KCNC3: variants seen among roughly 807,000 people sequenced by gnomAD.
KCNC3 encodes the protein potassium voltage-gated channel subfamily C member 3, also known as voltage-gated potassium channel KCNC3.
A neutral mutation model predicts 43.9 loss-of-function variants in KCNC3; 22 were observed. That is an observed-to-expected ratio of 0.50 (90% CI 0.36 to 0.72). KCNC3 has a LOEUF of 0.72. KCNC3 is among the 30% of genes least tolerant of loss of function. The pLI is 0.00. For synonymous variants in KCNC3, 492 were observed against 488.0 expected (o/e 1.01, Z -0.11); for missense variants, 829 against 1,073.8 (o/e 0.77, Z 3.19).
At position 50,315,380 on chromosome 19, in the gene KCNC3, C is replaced by T. The variant is rs1601091443; in HGVS notation, c.*735G>A. 1 of 152,140 alleles carries T rather than the reference C, an allele frequency of 6.6e-6. No individual in the cohort carries two copies. The highest frequency in any genetic ancestry group is 1.5e-5 in the Non-Finnish European group (1 of 68,172). 9.4% of individuals were successfully genotyped at this position (152,140 alleles called of 1,614,324 possible). ...ACCACAGTCCACCGCCCTTCCCCCC[C>T]TCCACTGGTCCCCTCACCTGAGGCA... On this transcript the variant is annotated 3_prime_UTR_variant, in exon 5 of 5. Transcript: ENST00000477616.
rs892829987 is a variant in KCNC3 at position 50,315,079 on chromosome 19, G to A, written c.*1036C>T. The stretch of plus-strand genomic sequence containing the variant: ...CAGACAGAGAGACCCAAGGCAGGGA[G>A]AAAGAGACAGAGAGAGAAAGAAATG... On this transcript the variant is annotated 3_prime_UTR_variant, in exon 5 of 5. Coordinates refer to ENST00000477616, the MANE Select transcript of KCNC3 (RefSeq NM_004977.3). The A allele has an allele frequency of 2.0e-5, 4 of 196,808 alleles. No individual in the cohort carries two copies. The highest frequency in any genetic ancestry group is 7.2e-5 in the African/African-American group (3 of 41,484). The allele number at this position is 196,808 out of a possible 1,614,324, so 12.2% of individuals were successfully genotyped here. A position where few individuals can be genotyped will look rare whatever the true frequency, so the allele number is the denominator to read the frequency against.
At position 50,323,366 on chromosome 19, in the gene KCNC3, C is replaced by A. The variant is rs765859826; in HGVS notation, c.1587G>T (p.Leu529=). 1 of 1,614,022 alleles carries A rather than the reference C, an allele frequency of 6.2e-7. No homozygotes were observed. The highest frequency in any genetic ancestry group is 1.3e-5 in the African/African-American group (1 of 74,930). The change falls in exon 2 of 5, where the codon CTG becomes CTT. Residue 529 remains leucine (L), a synonymous_variant. Coordinates refer to ENST00000477616, the MANE Select transcript of KCNC3 (RefSeq NM_004977.3). ...VGALCALAGV[L]TIAMPVPVIV... ...TGACGGGCACAGGCATGGCGATGGT[C>A]AGCACCCCCGCCAGGGCACACAGCG...
At chr19:50,327,245 A>G (rs1601101582) in intron 1 of KCNC3, among the ~76,000 whole-genome samples, 1 of 152,056 alleles carries the variant, frequency 6.6e-6, no homozygotes, top group Non-Finnish European at 1.5e-5. Flanking sequence ...GAGGAAAGGC[A>G]TATGATGGGG....
intron 1 of KCNC3, among the ~76,000 whole-genome samples, chr19:50,325,616 A>C (rs865839889): frequency 5.3e-5 from 8 of 151,548 alleles, no homozygotes; most frequent in African/African-American, 1.9e-4. Flanking sequence ...GCTTCTCTGC[A>C]GTGGTTTAAG....
At chr19:50,326,880 G>C (rs2037113084) in intron 1 of KCNC3, among the ~76,000 whole-genome samples, 2 of 149,612 alleles carry the variant, frequency 1.3e-5, no homozygotes, top group African/African-American at 4.9e-5. Flanking sequence ...CACTTTGATG[G>C]AGGGGGACAG....
chr19:50,327,520 A>G (rs1232055678), intron 1 of KCNC3, among the ~76,000 whole-genome samples: 7 of 151,806 alleles, frequency 4.6e-5, no homozygotes, highest in Admixed American at 3.3e-4. Flanking sequence ...GGGGTGGGGG[A>G]GTTTTCTGAG....
At position 50,315,885 on chromosome 19, in the gene KCNC3, C is replaced by T. The variant is rs189266330; in HGVS notation, c.*230G>A. On this transcript the variant is annotated 3_prime_UTR_variant, in exon 5 of 5. Transcript: ENST00000477616. ...GGGGCTGCCTGCAGGGTTCTGCACC[C>T]CCGCAGGGAGCTCTGTGGCTTTTCC... The T allele has an allele frequency of 1.2e-3, 389 of 332,922 alleles. 1 individual carries two copies. Among genetic ancestry groups the T allele is most frequent in the African/African-American group, 7.7e-3 (358 of 46,288 alleles). The allele number at this position is 332,922 out of a possible 1,614,324, so 20.6% of individuals were successfully genotyped here. A position where few individuals can be genotyped will look rare whatever the true frequency, so the allele number is the denominator to read the frequency against.
chr19:50,318,991 C>CAAA (rs11326559), intron 4 of KCNC3, among the ~76,000 whole-genome samples: 262 of 71,084 alleles, frequency 3.7e-3, no homozygotes, highest in Non-Finnish European at 4.8e-3. Flanking sequence ...AAGACAGTCT[C>CAAA]AAAAAAAAAA....
In KCNC3 at chr19:50,315,969, T is replaced by TG. The variant is rs2036946330; in HGVS notation, c.*145dup. 2 of 217,162 alleles carry TG rather than the reference T, an allele frequency of 9.2e-6. No individual in the cohort carries two copies. Among genetic ancestry groups the TG allele is most frequent in the Admixed American group, 6.7e-5 (1 of 14,858 alleles). The allele number at this position is 217,162 out of a possible 1,614,324, so 13.5% of individuals were successfully genotyped here. A position where few individuals can be genotyped will look rare whatever the true frequency, so the allele number is the denominator to read the frequency against. On this transcript the variant is annotated 3_prime_UTR_variant, in exon 5 of 5. Transcript: ENST00000477616. ...TGTCTTGATCGTAGGAGGGAGGGCT[T>TG]GGGGGGAGATTTGAAGCCCAGTGTC...
At chr19:50,318,991 C>CAAAAAAA (rs11326559) in intron 4 of KCNC3, among the ~76,000 whole-genome samples, 37 of 71,380 alleles carry the variant, frequency 5.2e-4, no homozygotes, top group Non-Finnish European at 7.6e-4. Context: ...AAGACAGTCT[C>CAAAAAAA]AAAAAAAAAA....
At chr19:50,328,192 G>T in intron 1 of KCNC3, 21 bp downstream of exon 1, 11 of 1,140,910 alleles carry the variant, frequency 9.6e-6, no homozygotes, top group East Asian at 4.0e-5. Context: ...GGGTGGATGG[G>T]GGCCCCGAGA....
chr19:50,322,157 G>T (rs902112448), intron 2 of KCNC3, among the ~76,000 whole-genome samples: 20 of 152,000 alleles, frequency 1.3e-4, no homozygotes, highest in African/African-American at 4.3e-4. Context: ...AGTGCAGGGG[G>T]GGGCCACCAG....
At chr19:50,327,769 G>T (rs1389520162) in intron 1 of KCNC3, among the ~76,000 whole-genome samples, 1 of 151,944 alleles carries the variant, frequency 6.6e-6, no homozygotes, top group African/African-American at 2.4e-5. Flanking sequence ...TGAGGGGCTG[G>T]GGAAGGTCCA....
In KCNC3 at chr19:50,322,195, C is replaced by T. The variant is rs535880923; in HGVS notation, c.1978+780G>A. Among the ~76,000 whole-genome samples, 41 of 152,282 alleles carry T rather than the reference C, an allele frequency of 2.7e-4. 1 individual carries two copies. The East Asian group carries it at 7.5e-3, about 28-fold the overall frequency. The stretch of plus-strand genomic sequence containing the variant: ...TCTCCTTCCTCCTAGACTCCCAAGC[C>T]ACTGCCTCTGAGGCATAGACACCCC... On this transcript the variant is annotated intron_variant, in intron 2 of 4. Transcript: ENST00000477616.
upstream of KCNC3, among the ~76,000 whole-genome samples, chr19:50,331,789 C>G (rs2056874016): frequency 1.3e-5 from 2 of 151,970 alleles, no homozygotes; most frequent in Admixed American, 1.3e-4. Flanking sequence ...TATGTTTCAC[C>G]TTCTTCTGGG....
chr19:50,330,545 G>A (rs1601105053), upstream of KCNC3, among the ~76,000 whole-genome samples: 1 of 152,090 alleles, frequency 6.6e-6, no homozygotes, highest in Admixed American at 6.6e-5. Flanking sequence ...AAGGTCACAG[G>A]GTCTCAAAGG....
Position 50,324,100 on chromosome 19 carries a change from A to G in KCNC3, c.871-18T>C. On this transcript the variant is annotated intron_variant, in intron 1 of 4. Coordinates refer to ENST00000477616, the MANE Select transcript of KCNC3 (RefSeq NM_004977.3). This position sits in a 1 kb window ranked among gnomAD's most constrained non-coding sequence, Gnocchi z 4.1. ...GCCACATACTGCAGGGCAGGGAGGG[A>G]GAGAGAGGGGGAGAGGTGACCTAGG... 1.3e-6 allele frequency: 2 copies of G among 1,573,572 alleles called. No homozygotes were observed. The highest frequency in any genetic ancestry group is 1.7e-6 in the Non-Finnish European group (2 of 1,159,242).
At chr19:50,322,880 G>A (rs946176681) in intron 2 of KCNC3, 95 bp downstream of exon 2, 32 of 1,352,040 alleles carry the variant, frequency 2.4e-5, no homozygotes, top group Non-Finnish European at 2.1e-5. Context: ...CCTCTTCGAC[G>A]CCAACCACCC....
At chr19:50,317,289 C>A (rs138656181) in intron 4 of KCNC3, among the ~76,000 whole-genome samples, 1,675 of 152,146 alleles carry the variant, frequency 0.011, 32 homozygotes, top group African/African-American at 0.038. Flanking sequence ...GCCCGGAAGC[C>A]TGGGGTCTCG....
Sources: allele counts gnomAD v4.1 joint callset (sites outside exome capture counted in the v4.1 genomes callset), GRCh38; gene constraint gnomAD v4.1.1; non-coding constraint Gnocchi (gnomAD v3.1); transcripts MANE v1.5; gene names NCBI Gene and HGNC (gene_info 2026-07-23, HGNC 2026-07-21).